SYT11: variants seen among roughly 807,000 people sequenced by gnomAD.
SYT11 encodes the protein synaptotagmin 11.
SYT11 carries 12 observed loss-of-function variants against 30.4 expected under a neutral mutation model. That is an observed-to-expected ratio of 0.39 (90% confidence interval 0.25 to 0.64). SYT11 has a LOEUF of 0.64. SYT11 is among the 30% of genes least tolerant of loss of function. SYT11 has a pLI of 0.45. For synonymous variants in SYT11, 204 were observed against 216.0 expected (o/e 0.94, Z 0.49); for missense variants, 412 against 552.0 (o/e 0.75, Z 2.54).
chr1:155,873,372 G>C (rs1385660615), intron 2 of SYT11, among the ~76,000 whole-genome samples: 2 of 152,138 alleles, frequency 1.3e-5, no homozygotes, highest in African/African-American at 4.8e-5. Context: ...GTTGCAGTGA[G>C]CCAAGATCAC....
intron 1 of SYT11, among the ~76,000 whole-genome samples, chr1:155,861,937 A>ATGTC (rs1463719970): frequency 6.6e-6 from 1 of 152,190 alleles, no homozygotes; most frequent in African/African-American, 2.4e-5. Flanking sequence ...ATTTAAACCA[A>ATGTC]TGTCTGGCTG....
In SYT11 at chr1:155,867,985, G is replaced by A. The variant is rs544233173; in HGVS notation, c.55G>A (p.Gly19Ser). The change falls in exon 2 of 4, where the codon GGC becomes AGC. Residue 19 changes from glycine (G) to serine (S), a missense_variant. By Grantham distance (56) the Gly-to-Ser change is moderately conservative (BLOSUM62 0). Transcript: ENST00000368324. ...PSFDVSPVVA[G>S]LIGASVLVVC... ...TTCAGATGTGTCACCGGTGGTGGCC[G>A]GCCTCATCGGGGCCTCTGTGCTGGT... The A allele has an allele frequency of 4.0e-5, 65 of 1,610,516 alleles. No homozygotes were observed. In the Middle Eastern group the frequency reaches 5.0e-4, roughly 12 times the overall value.
chr1:155,881,476 G>A lies in SYT11; in HGVS notation c.1264G>A (p.Val422Met), dbSNP rs1428296536. Reference sequence around the variant, plus strand: ...GGTCTGCGAGAGCCCCCGCAAGCCTGTGGCCAAGTGGCACAGTCTGAGCGA... The same window carrying A: ...GGTCTGCGAGAGCCCCCGCAAGCCTATGGCCAAGTGGCACAGTCTGAGCGA... ...REVCESPRKP[V>M]AKWHSLSEY Residue 422 changes from valine (V) to methionine (M), a missense_variant, in exon 4 of 4, where the codon GTG becomes ATG. Coordinates refer to ENST00000368324, the MANE Select transcript of SYT11 (RefSeq NM_152280.5). 6.2e-7 allele frequency: 1 copy of A among 1,610,862 alleles called. No homozygotes were observed. Among genetic ancestry groups the A allele is most frequent in the African/African-American group, 1.3e-5 (1 of 74,868 alleles).
intron 2 of SYT11, among the ~76,000 whole-genome samples, chr1:155,874,767 G>A (rs1672835385): frequency 6.7e-6 from 1 of 149,540 alleles, no homozygotes; most frequent in Non-Finnish European, 1.5e-5. Flanking sequence ...GCAGGCGCCT[G>A]TAGTCCCAGC....
rs146098866 is a variant in SYT11 at position 155,867,664 on chromosome 1, G to C, written c.35-301G>C. Reference sequence around the variant, plus strand: ...GCAGCTTTATGTGAAGCACAAATCAGTATGAGCAAACCAAGTCTATAAGTG... The same window carrying C: ...GCAGCTTTATGTGAAGCACAAATCACTATGAGCAAACCAAGTCTATAAGTG... On this transcript the variant is annotated intron_variant, in intron 1 of 3. Coordinates refer to ENST00000368324, the MANE Select transcript of SYT11 (RefSeq NM_152280.5). Among the ~76,000 whole-genome samples the C allele has an allele frequency of 1.2e-3, 184 of 152,284 alleles. 3 individuals carry two copies. The highest frequency in any genetic ancestry group is 0.01 in the Admixed American group (153 of 15,284).
rs769158991 is a variant in SYT11 at position 155,881,186 on chromosome 1, T to C, written c.986-12T>C. On this transcript the variant is annotated splice_polypyrimidine_tract_variant and intron_variant, in intron 3 of 3. Coordinates refer to ENST00000368324, the MANE Select transcript of SYT11 (RefSeq NM_152280.5). Reference sequence around the variant, plus strand: ...TCTGTCTCCCTTTTTCTTATCTCTTTGGGGGCCCCAGATCCTTATGTCAAG... The same window carrying C: ...TCTGTCTCCCTTTTTCTTATCTCTTCGGGGGCCCCAGATCCTTATGTCAAG... 5 of 1,607,472 alleles carry C rather than the reference T, an allele frequency of 3.1e-6. No homozygotes were observed. The African/African-American group carries it at 6.7e-5, about 22-fold the overall frequency.
In SYT11 at chr1:155,868,627, C is replaced by T; in HGVS notation, c.697C>T (p.Pro233Ser). 6.2e-7 allele frequency: 1 copy of T among 1,614,208 alleles called. No individual in the cohort carries two copies. The highest frequency in any genetic ancestry group is 8.5e-7 in the Non-Finnish European group (1 of 1,180,048). The change falls in exon 2 of 4, where the codon CCC becomes TCC. Residue 233 changes from proline (P) to serine (S), a missense_variant. Physicochemically the swap from Pro to Ser is moderately conservative, Grantham distance 74. Transcript: ENST00000368324. This position sits in a 1 kb window ranked among gnomAD's most constrained non-coding sequence, Gnocchi z 4.7. ...FDETFTFYGI[P>S]YSQLQDLVLH... ...CGAGACCTTCACCTTCTATGGCATCCCCTACAGCCAGCTGCAGGACCTGGT... is the reference window on the plus strand; with the variant it reads ...CGAGACCTTCACCTTCTATGGCATCTCCTACAGCCAGCTGCAGGACCTGGT...
chr1:155,861,995 C>T (rs1254237043), intron 1 of SYT11, among the ~76,000 whole-genome samples: 1 of 152,212 alleles, frequency 6.6e-6, no homozygotes, highest in African/African-American at 2.4e-5. Context: ...GTCTACTTGA[C>T]TGCGAAAAGC....
chr1:155,863,668 C>T (rs1672626395), intron 1 of SYT11, among the ~76,000 whole-genome samples: 1 of 151,998 alleles, frequency 6.6e-6, no homozygotes, highest in South Asian at 2.1e-4. Context: ...TGCCTGTAAT[C>T]CTAGCACTTT....
At position 155,859,804 on chromosome 1, in the gene SYT11, A is replaced by G. The variant is rs777146674; in HGVS notation, c.34+9A>G. ...TATCCGACCTAGCTTTGGTAAGTAGACTCGGGAAAACTAAGCTTGAGGTGG... is the reference window on the plus strand; with the variant it reads ...TATCCGACCTAGCTTTGGTAAGTAGGCTCGGGAAAACTAAGCTTGAGGTGG... On this transcript the variant is annotated intron_variant, in intron 1 of 3. Transcript: ENST00000368324. 11 of 1,613,792 alleles carry G rather than the reference A, an allele frequency of 6.8e-6. No individual in the cohort carries two copies. Among genetic ancestry groups the G allele is most frequent in the Non-Finnish European group, 9.3e-6 (11 of 1,179,670 alleles).
At position 155,868,577 on chromosome 1, in the gene SYT11, G is replaced by A. The variant is rs556015196; in HGVS notation, c.647G>A (p.Arg216Gln). The change falls in exon 2 of 4, where the codon CGG becomes CAG. Residue 216 changes from arginine to glutamine, a missense_variant. Physicochemically the swap from Arg to Gln is conservative, Grantham distance 43 (BLOSUM62 1). Coordinates refer to ENST00000368324, the MANE Select transcript of SYT11 (RefSeq NM_152280.5). This position sits in a 1 kb window ranked among gnomAD's most constrained non-coding sequence, Gnocchi z 4.7. ...CATCGGGTGAAGACCAGAGTGCTGC[G>A]GAAGACCCTGGACCCTGTGTTTGAC... The part of the protein sequence containing the change: ...KRHRVKTRVL[R>Q]KTLDPVFDET... 3 of 1,614,100 alleles carry A rather than the reference G, an allele frequency of 1.9e-6. No individual in the cohort carries two copies. The highest frequency in any genetic ancestry group is 1.7e-6 in the Non-Finnish European group (2 of 1,180,016).
intron 2 of SYT11, among the ~76,000 whole-genome samples, chr1:155,869,535 G>C (rs1156741159): frequency 6.6e-6 from 1 of 152,020 alleles, no homozygotes; most frequent in Non-Finnish European, 1.5e-5. Context: ...GACTCCAAAA[G>C]TACTGGGATT....
Position 155,884,483 on chromosome 1 carries a change from C to T in SYT11, c.*2975C>T, listed in dbSNP as rs1247846670. On this transcript the variant is annotated 3_prime_UTR_variant, in exon 4 of 4. Coordinates refer to ENST00000368324, the MANE Select transcript of SYT11 (RefSeq NM_152280.5). ...CTACCTCAGGCCTGATCCATCGTGCCCTTGACTTTGCCGTCTCAAAGTTTC... is the reference window on the plus strand; with the variant it reads ...CTACCTCAGGCCTGATCCATCGTGCTCTTGACTTTGCCGTCTCAAAGTTTC... 3 of 152,972 alleles carry T rather than the reference C, an allele frequency of 2.0e-5. No homozygotes were observed. The highest frequency in any genetic ancestry group is 1.9e-4 in the East Asian group (1 of 5,330). 9.5% of individuals were successfully genotyped at this position (152,972 alleles called of 1,614,324 possible). A position where few individuals can be genotyped will look rare whatever the true frequency, so the allele number is the denominator to read the frequency against.
At chr1:155,861,916 C>T (rs1476649388) in intron 1 of SYT11, among the ~76,000 whole-genome samples, 1 of 152,224 alleles carries the variant, frequency 6.6e-6, no homozygotes, top group East Asian at 1.9e-4. Flanking sequence ...CTGCACCTGG[C>T]CAATGCTAGG....
intron 2 of SYT11, among the ~76,000 whole-genome samples, chr1:155,879,819 G>A (rs942781062): frequency 1.2e-4 from 19 of 152,216 alleles, no homozygotes; most frequent in African/African-American, 4.6e-4. Context: ...ATGCTATGTG[G>A]TAGGTACAAC....
chr1:155,868,654 C>G lies in SYT11; in HGVS notation c.724C>G (p.Leu242Val). 4 of 1,614,214 alleles carry G rather than the reference C, an allele frequency of 2.5e-6. No individual in the cohort carries two copies. Among genetic ancestry groups the G allele is most frequent in the Non-Finnish European group, 3.4e-6 (4 of 1,180,046 alleles). ...CTACAGCCAGCTGCAGGACCTGGTG[C>G]TGCACTTCCTTGTCCTCAGCTTTGA... ...IPYSQLQDLVLHFLVLSFDRF... is the reference protein window; with the variant it reads ...IPYSQLQDLVVHFLVLSFDRF... The change falls in exon 2 of 4, where the codon CTG becomes GTG. Residue 242 changes from leucine (L) to valine (V), a missense_variant. By Grantham distance (32) the Leu-to-Val change is conservative. Coordinates refer to ENST00000368324, the MANE Select transcript of SYT11 (RefSeq NM_152280.5). The surrounding 1 kb of genome is among the most constrained non-coding windows in gnomAD (Gnocchi z 4.7).
At position 155,884,077 on chromosome 1, in the gene SYT11, G is replaced by C. The variant is rs1255698993; in HGVS notation, c.*2569G>C. ...ATAGTTTAATGTAAATCTGACAGGA[G>C]CATTCTGAAGCCCCATTAGGAAAAA... On this transcript the variant is annotated 3_prime_UTR_variant, in exon 4 of 4. Transcript: ENST00000368324. 1 of 152,716 alleles carries C rather than the reference G, an allele frequency of 6.5e-6. No homozygotes were observed. Among genetic ancestry groups the C allele is most frequent in the Non-Finnish European group, 1.5e-5 (1 of 68,028 alleles). 9.5% of individuals were successfully genotyped at this position (152,716 alleles called of 1,614,324 possible). A position where few individuals can be genotyped will look rare whatever the true frequency, so the allele number is the denominator to read the frequency against.
At chr1:155,870,414 C>G (rs911482685) in intron 2 of SYT11, among the ~76,000 whole-genome samples, 1 of 152,146 alleles carries the variant, frequency 6.6e-6, no homozygotes, top group Non-Finnish European at 1.5e-5. Flanking sequence ...AGTTTGATAC[C>G]TGGGTGATGC....
In SYT11 at chr1:155,860,169, G is replaced by A. The variant is rs541855385; in HGVS notation, c.34+374G>A. ...CCCTCCCCCTTGGGGCACACAGGGCGGTGCCCCTTCCTCCCCCTCCCATTC... is the reference window on the plus strand; with the variant it reads ...CCCTCCCCCTTGGGGCACACAGGGCAGTGCCCCTTCCTCCCCCTCCCATTC... On this transcript the variant is annotated intron_variant, in intron 1 of 3. Coordinates refer to ENST00000368324, the MANE Select transcript of SYT11 (RefSeq NM_152280.5). The surrounding 1 kb of genome is among the most constrained non-coding windows in gnomAD (Gnocchi z 4.1). 6.6e-6 allele frequency among the ~76,000 whole-genome samples: 1 copy of A among 152,366 alleles called. No homozygotes were observed.
Sources: allele counts gnomAD v4.1 joint callset (sites outside exome capture counted in the v4.1 genomes callset), GRCh38; gene constraint gnomAD v4.1.1; non-coding constraint Gnocchi (gnomAD v3.1); transcripts MANE v1.5; gene names NCBI Gene and HGNC (gene_info 2026-07-23, HGNC 2026-07-21).